Variants in SLC9B1 observed in about 807,000 individuals in gnomAD.
SLC9B1 encodes the protein solute carrier family 9 member B1.
SLC9B1 carries 32 observed loss-of-function variants against 51.7 expected under a neutral mutation model. The ratio of observed to expected loss-of-function variants is 0.62; its 90% confidence interval spans 0.47 to 0.83. The LOEUF (loss-of-function observed/expected upper bound fraction) is 0.83. Among genes scored for constraint, SLC9B1 ranks in the 40% least tolerant of loss-of-function variants. The pLI is 0.00. For synonymous variants in SLC9B1, 145 were observed against 212.7 expected, an observed-to-expected ratio of 0.68 and a Z score of 2.77; for missense variants, 406 against 613.2, an observed-to-expected ratio of 0.66 and a Z score of 3.57.
At chr4:103,000,265 A>T (rs927350584) in intron 1 of SLC9B1, among the ~76,000 whole-genome samples, 14 of 152,270 alleles carry the variant, frequency 9.2e-5, no homozygotes, top group African/African-American at 3.4e-4. Flanking sequence ...AACATCAATC[A>T]TGCCTTCCCA....
intron 11 of SLC9B1, chr4:102,885,419 C>T: frequency 3.7e-6 from 6 of 1,613,328 alleles, no homozygotes; most frequent in Middle Eastern, 1.7e-4. Flanking sequence ...TAGGTGTTGG[C>T]GTTCTAAAAC....
chr4:102,943,192 G>T (rs1429649024), intron 6 of SLC9B1, among the ~76,000 whole-genome samples: 2 of 151,026 alleles, frequency 1.3e-5, no homozygotes, highest in African/African-American at 4.9e-5. Context: ...ATGTTGCCAT[G>T]GGTGTAGTAA....
At chr4:102,929,177 G>A (rs1736329879) in intron 7 of SLC9B1, among the ~76,000 whole-genome samples, 2 of 152,168 alleles carry the variant, frequency 1.3e-5, no homozygotes, top group Non-Finnish European at 2.9e-5. Context: ...TCTTCACAAT[G>A]TAATATTCAT....
intron 1 of SLC9B1, among the ~76,000 whole-genome samples, chr4:103,000,081 G>A (rs940873052): frequency 1.3e-5 from 2 of 152,210 alleles, no homozygotes; most frequent in South Asian, 4.1e-4. Flanking sequence ...AGAATAGGAC[G>A]AGGGAAACTG....
At chr4:102,950,655 T>C (rs1737502364) in intron 3 of SLC9B1, among the ~76,000 whole-genome samples, 10 of 152,186 alleles carry the variant, frequency 6.6e-5, no homozygotes, top group Admixed American at 6.5e-4. Flanking sequence ...CTGATTATTG[T>C]CATCCTGCAA....
At chr4:102,888,488 T>G (rs7254) in intron 11 of SLC9B1, 87,537 of 152,142 alleles carry the variant, frequency 0.58, 26,488 homozygotes, top group African/African-American at 0.78. Context: ...ATGCGCGTAA[T>G]TGTACCCACC....
At chr4:102,954,038 C>T (rs1269107234) in intron 3 of SLC9B1, among the ~76,000 whole-genome samples, 23 of 45,672 alleles carry the variant, frequency 5.0e-4, no homozygotes, top group African/African-American at 9.9e-4. Context: ...GAGGGCATCC[C>T]TGTCTTGTGC....
At chr4:102,939,760 C>G (rs1736899177) in intron 6 of SLC9B1, among the ~76,000 whole-genome samples, 2 of 152,144 alleles carry the variant, frequency 1.3e-5, no homozygotes, top group Admixed American at 1.3e-4. Flanking sequence ...ATATACAAAC[C>G]AATAAATGTG....
At chr4:102,956,152 T>C (rs1015379218) in intron 3 of SLC9B1, among the ~76,000 whole-genome samples, 1 of 152,098 alleles carries the variant, frequency 6.6e-6, no homozygotes, top group Non-Finnish European at 1.5e-5. Context: ...GCTGTCAAAA[T>C]TTCATGCTGG....
At chr4:103,012,756 T>C (rs1032198954) in intron 1 of SLC9B1, among the ~76,000 whole-genome samples, 1 of 152,192 alleles carries the variant, frequency 6.6e-6, no homozygotes, top group Non-Finnish European at 1.5e-5. Context: ...CAGTGTCTGG[T>C]GAGGTCTCTG....
chr4:102,940,192 C>T (rs1736920394), intron 6 of SLC9B1, among the ~76,000 whole-genome samples: 1 of 152,184 alleles, frequency 6.6e-6, no homozygotes, highest in African/African-American at 2.4e-5. Flanking sequence ...AAATCTGTAG[C>T]ATTTCTATAC....
chr4:102,917,086 C>G (rs1268497951), intron 7 of SLC9B1, among the ~76,000 whole-genome samples: 1 of 152,244 alleles, frequency 6.6e-6, no homozygotes, highest in African/African-American at 2.4e-5. Context: ...TGCACTTTCT[C>G]TCTCTTCCAG....
intron 3 of SLC9B1, among the ~76,000 whole-genome samples, chr4:102,959,342 T>G (rs1737970356): frequency 6.6e-6 from 1 of 152,152 alleles, no homozygotes; most frequent in Admixed American, 6.5e-5. Context: ...GTAAGTCAGT[T>G]TTATTATCTG....
chr4:102,942,479 C>A (rs1010922803), intron 6 of SLC9B1, among the ~76,000 whole-genome samples: 1 of 152,074 alleles, frequency 6.6e-6, no homozygotes, highest in East Asian at 1.9e-4. Context: ...TAAAAATAGG[C>A]ACATAGACCA....
At chr4:102,983,734 T>C (rs2110512453) in intron 3 of SLC9B1, among the ~76,000 whole-genome samples, 1 of 152,288 alleles carries the variant, frequency 6.6e-6, no homozygotes, top group African/African-American at 2.4e-5. Context: ...ATGTCTTCTC[T>C]TTTATTTCTG....
intron 7 of SLC9B1, among the ~76,000 whole-genome samples, chr4:102,917,576 G>A (rs1180002677): frequency 6.6e-6 from 1 of 151,678 alleles, no homozygotes; most frequent in African/African-American, 2.4e-5. Flanking sequence ...AAAATGTCTC[G>A]AGACAAATAA....
intron 6 of SLC9B1, among the ~76,000 whole-genome samples, chr4:102,938,153 T>C (rs1209288699): frequency 1.3e-5 from 2 of 152,150 alleles, no homozygotes; most frequent in Non-Finnish European, 1.5e-5. Flanking sequence ...ACGATACCCA[T>C]TGGCTCAAAG....
intron 3 of SLC9B1, among the ~76,000 whole-genome samples, chr4:102,983,747 A>G (rs1338846164): frequency 6.6e-6 from 1 of 152,100 alleles, no homozygotes; most frequent in African/African-American, 2.4e-5. Flanking sequence ...TATTTCTGAT[A>G]TAAGTAATGT....
intron 3 of SLC9B1, among the ~76,000 whole-genome samples, chr4:102,973,336 C>A (rs1738860951): frequency 6.6e-6 from 1 of 152,110 alleles, no homozygotes; most frequent in South Asian, 2.1e-4. Context: ...AAAAAACATT[C>A]TGAGGAATAA....
Sources: gnomAD v4.1 joint callset for allele counts (sites outside exome capture counted in the v4.1 genomes callset) on GRCh38, gnomAD v4.1.1 for gene constraint, MANE v1.5 for transcripts, NCBI Gene and HGNC (gene_info 2026-07-23, HGNC 2026-07-21) for gene names.